RPTOR: variants seen among roughly 807,000 people sequenced by gnomAD.
RPTOR encodes the protein regulatory associated protein of MTOR complex 1.
RPTOR carries 21 observed loss-of-function variants against 169.9 expected under a neutral mutation model. The ratio of observed to expected loss-of-function variants is 0.12; its 90% CI spans 0.09 to 0.18. The LOEUF (loss-of-function observed/expected upper bound fraction) is 0.18, where lower values mean the gene tolerates loss of function less well. Among genes scored for constraint, RPTOR ranks in the 10% least tolerant of loss-of-function variants. The pLI is 1.00. For synonymous variants in RPTOR, 732 were observed against 753.2 expected, an observed-to-expected ratio of 0.97 and a Z score of 0.46; for missense variants, 1,133 against 1,855.9, an observed-to-expected ratio of 0.61 and a Z score of 7.16.
At chr17:80,750,535 C>T (rs578229702) in intron 5 of RPTOR, among the ~76,000 whole-genome samples, 1 of 152,324 alleles carries the variant, frequency 6.6e-6, no homozygotes, top group East Asian at 1.9e-4. Flanking sequence ...TCATAGCCTT[C>T]CCGTGCCCTC....
chr17:80,631,722 T>C (rs1432025893), intron 2 of RPTOR, among the ~76,000 whole-genome samples: 3 of 152,194 alleles, frequency 2.0e-5, no homozygotes, highest in Non-Finnish European at 4.4e-5. Flanking sequence ...CAAATTATTC[T>C]CAGCCTGGGC....
At chr17:80,610,519 G>A (rs890154817) in intron 1 of RPTOR, among the ~76,000 whole-genome samples, 1 of 152,126 alleles carries the variant, frequency 6.6e-6, no homozygotes, top group Admixed American at 6.5e-5. Context: ...GAACTGGTGT[G>A]GAGGTGCCTA....
intron 9 of RPTOR, among the ~76,000 whole-genome samples, chr17:80,830,643 G>C (rs1381542870): frequency 6.6e-6 from 1 of 152,266 alleles, no homozygotes; most frequent in Non-Finnish European, 1.5e-5. Flanking sequence ...GACCGCAGGT[G>C]CGCTGCTCCA....
rs145675098 is a variant in RPTOR, at chr17:80,940,674, AG to A, written c.3025+75del. The A allele has an allele frequency of 5.8e-3, 7,446 of 1,293,204 alleles. 358 individuals carry two copies. In the African/African-American group the frequency reaches 0.098, roughly 17 times the overall value. The allele number at this position is 1,293,204 out of a possible 1,614,324, so 80.1% of individuals were successfully genotyped here. On this transcript the variant is annotated intron_variant, in intron 25 of 33. Coordinates refer to ENST00000306801, the MANE Select transcript of RPTOR (RefSeq NM_020761.3). ...CCTGGGGCGAGGGTCCCCTGTGAGC[AG>A]GCCCCCCGCGGCCCACGCACAACCT...
chr17:80,550,581 G>A (rs760345249), intron 1 of RPTOR, among the ~76,000 whole-genome samples: 1 of 152,158 alleles, frequency 6.6e-6, no homozygotes, highest in Non-Finnish European at 1.5e-5. Flanking sequence ...CCTACTGCCT[G>A]CTTTTTCTTA....
intron 12 of RPTOR, 83 bp from the exon 13 acceptor site, chr17:80,857,707 G>A (rs1435742503): frequency 9.2e-6 from 8 of 866,360 alleles, no homozygotes; most frequent in South Asian, 1.5e-5. Flanking sequence ...AGATAGCACC[G>A]CAGCTGGTCC....
chr17:80,624,753 A>G (rs185031693), intron 1 of RPTOR, among the ~76,000 whole-genome samples: 17 of 152,356 alleles, frequency 1.1e-4, no homozygotes, highest in African/African-American at 4.1e-4. Context: ...TTAAAGGGTC[A>G]ATGTAAAACA....
In RPTOR at chr17:80,862,813, C is replaced by T. The variant is rs144733008; in HGVS notation, c.1509+4913C>T. Among the ~76,000 whole-genome samples, 497 of 152,210 alleles carry T rather than the reference C, an allele frequency of 3.3e-3. 2 individuals carry two copies. The highest frequency in any genetic ancestry group is 0.011 in the African/African-American group (453 of 41,474). On this transcript the variant is annotated intron_variant, in intron 13 of 33. Transcript: ENST00000306801. ...TGCAGATCGGGGTGCACATGGTGTACAGACGGGTCCACCTGTGAAGATCGC... is the reference window on the plus strand; with the variant it reads ...TGCAGATCGGGGTGCACATGGTGTATAGACGGGTCCACCTGTGAAGATCGC...
chr17:80,918,732 C>T (rs1205351157), intron 21 of RPTOR, among the ~76,000 whole-genome samples: 2 of 152,126 alleles, frequency 1.3e-5, no homozygotes, highest in East Asian at 1.9e-4. Flanking sequence ...TGTATGACTC[C>T]CACCCCCTAG....
intron 3 of RPTOR, among the ~76,000 whole-genome samples, chr17:80,692,462 C>T (rs934067594): frequency 6.6e-6 from 1 of 151,860 alleles, no homozygotes; most frequent in African/African-American, 2.4e-5. Context: ...GCTGGGATTA[C>T]AGGCACATGC....
chr17:80,937,759 T>C (rs1008689995), intron 24 of RPTOR, among the ~76,000 whole-genome samples: 3 of 152,242 alleles, frequency 2.0e-5, no homozygotes, highest in Admixed American at 6.5e-5. Context: ...TGTCATTTGC[T>C]GCCTCCGTGC....
chr17:80,850,249 C>T (rs1203582268), intron 11 of RPTOR, among the ~76,000 whole-genome samples: 2 of 152,316 alleles, frequency 1.3e-5, no homozygotes, highest in Non-Finnish European at 2.9e-5. Context: ...GTTATTCCAC[C>T]TGTGTGTCCC....
intron 6 of RPTOR, among the ~76,000 whole-genome samples, chr17:80,768,899 C>T (rs2066814658): frequency 6.6e-6 from 1 of 152,106 alleles, no homozygotes; most frequent in Non-Finnish European, 1.5e-5. Context: ...GCATTCAGCT[C>T]CGTATTTAAT....
chr17:80,930,142 T>G (rs1297696541), intron 24 of RPTOR, among the ~76,000 whole-genome samples: 1 of 130,768 alleles, frequency 7.6e-6, no homozygotes, highest in Non-Finnish European at 1.6e-5. Context: ...GCTCCTCAGC[T>G]CATCCCCAGC....
chr17:80,609,455 A>G lies in RPTOR; in HGVS notation c.163-16236A>G, dbSNP rs964492146. 1.3e-5 allele frequency among the ~76,000 whole-genome samples: 2 copies of G among 152,164 alleles called. No individual in the cohort carries two copies. Among genetic ancestry groups the G allele is most frequent in the Non-Finnish European group, 2.9e-5 (2 of 68,034 alleles). ...ATACGTCTTGAGATGTGTATAAATC[A>G]TTTGATTTGGCTGGGCAGGGTGGCT... On this transcript the variant is annotated intron_variant, in intron 1 of 33. Coordinates refer to ENST00000306801, the MANE Select transcript of RPTOR (RefSeq NM_020761.3). The surrounding 1 kb of genome is among the most constrained non-coding windows in gnomAD (Gnocchi z 4.8).
chr17:80,856,240 T>C (rs1217244344), intron 12 of RPTOR, among the ~76,000 whole-genome samples: 2 of 152,244 alleles, frequency 1.3e-5, no homozygotes, highest in Non-Finnish European at 2.9e-5. Flanking sequence ...GCTGGATTTA[T>C]GTTATTCAAG....
intron 20 of RPTOR, among the ~76,000 whole-genome samples, chr17:80,898,265 T>C (rs958758577): frequency 6.6e-6 from 1 of 152,240 alleles, no homozygotes; most frequent in African/African-American, 2.4e-5. Context: ...GTCTCTAATC[T>C]CTGCTGTCTC....
chr17:80,677,236 A>C (rs866979890), intron 3 of RPTOR, among the ~76,000 whole-genome samples: 13 of 152,266 alleles, frequency 8.5e-5, no homozygotes, highest in Middle Eastern at 3.4e-3. Flanking sequence ...TGAGAGACAC[A>C]ATCTATGCTT....
chr17:80,945,868 C>A (rs2069097222), intron 26 of RPTOR, 87 bp downstream of exon 26: 3 of 757,280 alleles, frequency 4.0e-6, no homozygotes, highest in South Asian at 4.6e-5. Context: ...ACTCCTCTTC[C>A]TTGAAAAGCA....
Sources: gnomAD v4.1 joint callset for allele counts (sites outside exome capture counted in the v4.1 genomes callset) on GRCh38, gnomAD v4.1.1 for gene constraint, Gnocchi (gnomAD v3.1) non-coding constraint, MANE v1.5 for transcripts, NCBI Gene and HGNC (gene_info 2026-07-23, HGNC 2026-07-21) for gene names.